CCL28: variants seen among roughly 807,000 people sequenced by gnomAD.
CCL28 encodes the protein C-C motif chemokine ligand 28.
In CCL28, 4 loss-of-function variants were observed where a neutral mutation model predicts 7.1. The ratio of observed to expected loss-of-function variants is 0.56; its 90% CI spans 0.28 to 1.29. CCL28 has a LOEUF of 1.29. CCL28 is among the 50% of genes most tolerant of loss of function. The pLI is 0.11. For synonymous variants in CCL28, 55 were observed against 57.8 expected (o/e 0.95, Z 0.22); for missense variants, 151 against 163.4 (o/e 0.92, Z 0.41).
intron 1 of CCL28, among the ~76,000 whole-genome samples, chr5:43,392,106 A>ATTATTTATTTATTTAT (rs35180804): frequency 9.9e-5 from 15 of 151,492 alleles, no homozygotes; most frequent in Middle Eastern, 3.4e-3. Context: ...TGCATATCTT[A>ATTATTTATTTATTTAT]TTATTTATTT....
chr5:43,401,941 C>T (rs1244853184), intron 1 of CCL28, among the ~76,000 whole-genome samples: 1 of 152,186 alleles, frequency 6.6e-6, no homozygotes, highest in Middle Eastern at 3.2e-3. Flanking sequence ...AGGGTTCTCT[C>T]ATCAGGTTCC....
intron 1 of CCL28, among the ~76,000 whole-genome samples, chr5:43,404,580 C>T (rs538792736): frequency 9.2e-5 from 14 of 152,136 alleles, no homozygotes; most frequent in South Asian, 2.1e-4. Flanking sequence ...ACCATCGATG[C>T]TAGGAAGAAA....
intron 1 of CCL28, among the ~76,000 whole-genome samples, chr5:43,407,584 C>A (rs1016060380): frequency 2.0e-5 from 3 of 152,202 alleles, no homozygotes; most frequent in Non-Finnish European, 4.4e-5. Context: ...TAGGCATGGG[C>A]AAGGACTTCA....
intron 1 of CCL28, among the ~76,000 whole-genome samples, chr5:43,400,321 C>T (rs989460463): frequency 3.9e-5 from 6 of 152,164 alleles, no homozygotes; most frequent in African/African-American, 1.4e-4. Flanking sequence ...TGGCACTACA[C>T]ATCAAATTTG....
chr5:43,403,517 C>T (rs1227111730), intron 1 of CCL28, among the ~76,000 whole-genome samples: 1 of 152,128 alleles, frequency 6.6e-6, no homozygotes, highest in African/African-American at 2.4e-5. Context: ...TGTACGTCAC[C>T]ATCATCAAAG....
the CCL28 span, among the ~76,000 whole-genome samples, chr5:43,361,578 G>A: frequency 1.3e-5 from 2 of 152,226 alleles, no homozygotes; most frequent in East Asian, 3.9e-4. Context: ...TTTATGTCCA[G>A]AATGGCACTG....
intron 1 of CCL28, among the ~76,000 whole-genome samples, chr5:43,405,916 G>C (rs1325944845): frequency 1.3e-5 from 2 of 151,990 alleles, no homozygotes; most frequent in Admixed American, 6.6e-5. Flanking sequence ...ATAAATTCCT[G>C]GACACATACA....
chr5:43,400,981 G>A (rs1741004563), intron 1 of CCL28, among the ~76,000 whole-genome samples: 1 of 151,776 alleles, frequency 6.6e-6, no homozygotes, highest in African/African-American at 2.4e-5. Flanking sequence ...TACTCAGGAG[G>A]CTGAGACAGG....
chr5:43,411,126 T>G (rs1741520777), intron 1 of CCL28, among the ~76,000 whole-genome samples: 1 of 152,186 alleles, frequency 6.6e-6, no homozygotes, highest in African/African-American at 2.4e-5. Context: ...AAGAGAAGCT[T>G]TAAAATCCAA....
chr5:43,396,167 G>A (rs1368726430), intron 1 of CCL28, among the ~76,000 whole-genome samples: 1 of 152,140 alleles, frequency 6.6e-6, no homozygotes, highest in Non-Finnish European at 1.5e-5. Context: ...ACTGCGTCCA[G>A]CCCATGCCTC....
the CCL28 span, among the ~76,000 whole-genome samples, chr5:43,367,478 T>G: frequency 2.6e-5 from 4 of 152,214 alleles, no homozygotes; most frequent in Non-Finnish European, 5.9e-5. Context: ...TTCCCTTGGC[T>G]AGGGAAGGGA....
At chr5:43,392,046 T>G (rs1188396384) in intron 1 of CCL28, among the ~76,000 whole-genome samples, 1 of 152,216 alleles carries the variant, frequency 6.6e-6, no homozygotes, top group Non-Finnish European at 1.5e-5. Flanking sequence ...CAAATACCTC[T>G]CTTACCTCAG....
At chr5:43,412,163 T>C in intron 1 of CCL28, 90 bp downstream of exon 1, 1 of 898,942 alleles carries the variant, frequency 1.1e-6, no homozygotes, top group Non-Finnish European at 1.6e-6. Flanking sequence ...AAGAGATAGA[T>C]ATTCTTGCCC....
At chr5:43,391,836 T>A (rs959714233) in intron 1 of CCL28, among the ~76,000 whole-genome samples, 1 of 152,186 alleles carries the variant, frequency 6.6e-6, no homozygotes, top group African/African-American at 2.4e-5. Flanking sequence ...AAATGGGTAA[T>A]AATATGCAGA....
chr5:43,370,299 C>T, the CCL28 span, among the ~76,000 whole-genome samples: 1 of 152,130 alleles, frequency 6.6e-6, no homozygotes, highest in South Asian at 2.1e-4. Flanking sequence ...GTGCCTCCTC[C>T]ATGCTATGCT....
chr5:43,374,611 T>C (rs1739848167), downstream of CCL28, among the ~76,000 whole-genome samples: 2 of 152,014 alleles, frequency 1.3e-5, no homozygotes, highest in Non-Finnish European at 2.9e-5. Context: ...TGAAACCCCA[T>C]CTCTACTAAA....
chr5:43,374,800 A>T (rs1739852469), downstream of CCL28, among the ~76,000 whole-genome samples: 1 of 138,068 alleles, frequency 7.2e-6, no homozygotes, highest in Admixed American at 7.2e-5. Context: ...AAAAAAAAAA[A>T]TTCAGATCTC....
chr5:43,384,683 G>C (rs1434108434), intron 2 of CCL28, among the ~76,000 whole-genome samples: 3 of 151,814 alleles, frequency 2.0e-5, no homozygotes, highest in African/African-American at 7.3e-5. Flanking sequence ...GCTGGAGATA[G>C]TCTGATGGAC....
At chr5:43,358,928 C>G in the CCL28 span, among the ~76,000 whole-genome samples, 1 of 152,170 alleles carries the variant, frequency 6.6e-6, no homozygotes, top group East Asian at 1.9e-4. Flanking sequence ...TCACTCACTC[C>G]TGGGCAAAAG....
Sources: gnomAD v4.1 joint callset for allele counts (sites outside exome capture counted in the v4.1 genomes callset) on GRCh38, gnomAD v4.1.1 for gene constraint, MANE v1.5 for transcripts, NCBI Gene and HGNC (gene_info 2026-07-23, HGNC 2026-07-21) for gene names.